Variants in NAT10 observed in about 807,000 individuals in gnomAD.
The protein encoded by NAT10 is N-acetyltransferase 10, also known as RNA cytidine acetyltransferase.
In NAT10, 109 loss-of-function variants were observed where a neutral mutation model predicts 132.2. That is an observed-to-expected ratio of 0.82 (90% CI 0.71 to 0.97). The LOEUF (loss-of-function observed/expected upper bound fraction) is 0.97. NAT10 is among the 50% of genes least tolerant of loss of function. NAT10 has a pLI of 0.00. For missense variants in NAT10, 1,184 were observed against 1,263.4 expected (o/e 0.94, Z 0.95); for synonymous variants, 479 against 478.0 (o/e 1.00, Z -0.03).
At chr11:34,130,466 C>T (rs550232819) in intron 12 of NAT10, among the ~76,000 whole-genome samples, 1 of 152,358 alleles carries the variant, frequency 6.6e-6, no homozygotes, top group Non-Finnish European at 1.5e-5. Context: ...TTACTTACAT[C>T]CTTTTTCCAG....
Position 34,134,532 on chromosome 11 carries a change from T to C in NAT10, c.1857T>C (p.Gly619=), listed in dbSNP as rs141992951. Residue 619 remains glycine, a synonymous_variant, in exon 18 of 29, where the codon GGT becomes GGC. Transcript: ENST00000257829. ...CACAGTTCCAAGATCCAGACTTTGG[T>C]GGTCTGTCTGGTGGAAGGGTCGTTC... ...VSEQFQDPDF[G]GLSGGRVVRI... 170 of 1,614,152 alleles carry C rather than the reference T, an allele frequency of 1.1e-4. 2 individuals carry two copies. In the East Asian group the frequency reaches 3.7e-3, roughly 36 times the overall value.
intron 24 of NAT10, 62 bp from the exon 25 acceptor site, chr11:34,141,027 C>T (rs1318668598): frequency 2.1e-5 from 34 of 1,607,106 alleles, no homozygotes; most frequent in South Asian, 6.6e-5. Context: ...TGGTTCTTGG[C>T]GCCATTTTAA....
At chr11:34,140,959 C>A in intron 24 of NAT10, 130 bp from the exon 25 acceptor site, 3 of 1,231,340 alleles carry the variant, frequency 2.4e-6, no homozygotes, top group Non-Finnish European at 1.1e-6. Flanking sequence ...AGAGAAGATG[C>A]CAATATACAC....
intron 6 of NAT10, among the ~76,000 whole-genome samples, chr11:34,116,472 G>A (rs1355683494): frequency 6.6e-6 from 1 of 151,758 alleles, no homozygotes. Flanking sequence ...AGGCTGGAGT[G>A]TAGTGGTGCG....
intron 19 of NAT10, 41 bp downstream of exon 19, chr11:34,135,332 G>A: frequency 1.9e-6 from 3 of 1,559,144 alleles, no homozygotes; most frequent in Non-Finnish European, 2.7e-6. Flanking sequence ...CTGGTTCTTG[G>A]GAGGATAATT....
Position 34,138,883 on chromosome 11 carries a change from A to G in NAT10, c.2212-308A>G, listed in dbSNP as rs536915362. Reference sequence around the variant, plus strand: ...TTCAGCATCTACCTGAGAGGAGCACATATTTCCCTCCCGCACGTCCCGAGC... The same window carrying G: ...TTCAGCATCTACCTGAGAGGAGCACGTATTTCCCTCCCGCACGTCCCGAGC... On this transcript the variant is annotated intron_variant, in intron 21 of 28. Transcript: ENST00000257829. 2.8e-3 allele frequency: 920 copies of G among 327,068 alleles called. 6 individuals are homozygous for G. The highest frequency in any genetic ancestry group is 4.3e-3 in the Non-Finnish European group (740 of 172,098). The allele number at this position is 327,068 out of a possible 1,614,324, so 20.3% of individuals were successfully genotyped here.
At chr11:34,132,994 G>A (rs1590775987) in intron 15 of NAT10, 32 bp from the exon 16 acceptor site, 2 of 1,548,740 alleles carry the variant, frequency 1.3e-6, no homozygotes, top group Non-Finnish European at 1.8e-6. Context: ...GAGGAAGAGT[G>A]CTTCTCACTG....
chr11:34,140,347 C>T, intron 23 of NAT10, 53 bp from the exon 24 acceptor site: 1 of 1,558,950 alleles, frequency 6.4e-7, no homozygotes, highest in South Asian at 1.2e-5. Context: ...TGTGTGCTAT[C>T]TCATGAGGGC....
At chr11:34,115,458 T>C (rs975630352) in intron 5 of NAT10, among the ~76,000 whole-genome samples, 9 of 152,232 alleles carry the variant, frequency 5.9e-5, no homozygotes, top group African/African-American at 2.2e-4. Flanking sequence ...AAAATTTGTA[T>C]TTATCTACTA....
Position 34,139,389 on chromosome 11 carries a change from C to T in NAT10, c.2313C>T (p.Phe771=), listed in dbSNP as rs555704409. ...CTGCGTGATGGCACCCCACAGATTT[C>T]CGACGGCGGTTCCTAGCCTTGCTCT... The part of the protein sequence containing the change: ...GGWLAAFWKD[F]RRRFLALLSY... Residue 771 remains phenylalanine, a synonymous_variant, in exon 23 of 29, where the codon TTC becomes TTT. Transcript: ENST00000257829. 1.9e-6 allele frequency: 3 copies of T among 1,614,114 alleles called. No homozygotes were observed. Among genetic ancestry groups the T allele is most frequent in the East Asian group, 4.5e-5 (2 of 44,878 alleles).
chr11:34,114,405 G>A (rs1468924048), intron 5 of NAT10, among the ~76,000 whole-genome samples: 4 of 151,742 alleles, frequency 2.6e-5, no homozygotes, highest in African/African-American at 9.7e-5. Flanking sequence ...GTGTTCAGAG[G>A]CAAGTTTTAA....
intron 8 of NAT10, among the ~76,000 whole-genome samples, chr11:34,119,397 C>T (rs1851845135): frequency 6.6e-6 from 1 of 152,264 alleles, no homozygotes; most frequent in East Asian, 1.9e-4. Flanking sequence ...GCTGGCTTCC[C>T]TTTTCATTCT....
At chr11:34,141,862 G>GTTGCCT (rs1565120416) in intron 26 of NAT10, 45 bp downstream of exon 26, 3 of 1,520,234 alleles carry the variant, frequency 2.0e-6, no homozygotes, top group Non-Finnish European at 2.7e-6. Flanking sequence ...ATTTCCATCA[G>GTTGCCT]TTGCCTTAGG....
Position 34,118,245 on chromosome 11 carries a change from C to T in NAT10, c.623C>T (p.Pro208Leu). The change falls in exon 7 of 29, where the codon CCC (proline) becomes CTC (leucine). Residue 208 changes from proline to leucine, a missense_variant. Transcript: ENST00000257829. ...ATTGATGACCAGCTCAACATCCTGC[C>T]CATCTCCTCCCACGTTGCCACCATG... ...LVIDDQLNIL[P>L]ISSHVATMEA... 1 of 1,614,202 alleles carries T rather than the reference C, an allele frequency of 6.2e-7. No individual in the cohort carries two copies. The highest frequency in any genetic ancestry group is 8.5e-7 in the Non-Finnish European group (1 of 1,180,046).
chr11:34,124,007 TA>T, intron 10 of NAT10, 152 bp downstream of exon 10: 1 of 613,090 alleles, frequency 1.6e-6, no homozygotes, highest in Non-Finnish European at 2.8e-6. Context: ...CCGTCTCTAC[TA>T]AAAGTACAAA....
intron 11 of NAT10, among the ~76,000 whole-genome samples, chr11:34,126,145 A>G (rs977068891): frequency 4.6e-5 from 7 of 152,220 alleles, no homozygotes; most frequent in African/African-American, 1.7e-4. Context: ...TATTGTTGAC[A>G]TTTTGATGTT....
chr11:34,138,257 G>A (rs1394551266), intron 21 of NAT10, among the ~76,000 whole-genome samples: 1 of 152,184 alleles, frequency 6.6e-6, no homozygotes, highest in Non-Finnish European at 1.5e-5. Context: ...AAGGCAGAGA[G>A]CGTGGGAATG....
At position 34,108,814 on chromosome 11, in the gene NAT10, A is replaced by T; in HGVS notation, c.181A>T (p.Lys61Ter). Reference protein sequence around the residue: ...ARPSVLWCYKKELGFSSHRKK... With the variant: ...ARPSVLWCYK ...GCCTTCAGTGCTGTGGTGTTATAAG[A>T]AAGAGCTGGGGTTTAGCAGGTAAGC... Residue 61 changes from lysine (K) to a stop codon, truncating the protein, a stop_gained, in exon 3 of 29, where the codon AAA becomes TAA. Transcript: ENST00000257829. LOFTEE classifies it high-confidence loss of function. 1 of 1,613,874 alleles carries T rather than the reference A, an allele frequency of 6.2e-7. No individual in the cohort carries two copies. Among genetic ancestry groups the T allele is most frequent in the Non-Finnish European group, 8.5e-7 (1 of 1,179,918 alleles).
intron 11 of NAT10, among the ~76,000 whole-genome samples, chr11:34,125,868 G>A (rs944295115): frequency 1.3e-5 from 2 of 152,174 alleles, no homozygotes; most frequent in Admixed American, 6.5e-5. Context: ...GGAGGCCGAG[G>A]CAGGAGAATT....
Sources: allele counts gnomAD v4.1 joint callset (sites outside exome capture counted in the v4.1 genomes callset), GRCh38; gene constraint gnomAD v4.1.1; transcripts MANE v1.5; gene names NCBI Gene and HGNC (gene_info 2026-07-23, HGNC 2026-07-21).